IL23R: variants seen among roughly 807,000 people sequenced by gnomAD.
IL23R encodes the protein interleukin-23 receptor.
IL23R carries 34 observed loss-of-function variants against 56.9 expected under a neutral mutation model. That is an observed-to-expected ratio of 0.60 (90% CI 0.45 to 0.80). The LOEUF (loss-of-function observed/expected upper bound fraction) is 0.80. Ranked by LOEUF, IL23R falls within the 30% of genes least tolerant of loss-of-function variation. The probability of loss-of-function intolerance (pLI) is 0.00; values close to 1 mark genes in which losing one functional copy is unlikely to be tolerated. For synonymous variants in IL23R, 230 were observed against 249.2 expected (o/e 0.92, Z 0.73); for missense variants, 635 against 730.0 (o/e 0.87, Z 1.50).
intron 6 of IL23R, among the ~76,000 whole-genome samples, chr1:67,214,678 C>T (rs1649714204): frequency 6.6e-6 from 1 of 152,174 alleles, no homozygotes; most frequent in South Asian, 2.1e-4. Flanking sequence ...TTTTTCTAGT[C>T]TATTACATAC....
intron 7 of IL23R, among the ~76,000 whole-genome samples, chr1:67,220,350 G>C (rs1352619180): frequency 6.6e-6 from 1 of 151,510 alleles, no homozygotes; most frequent in Non-Finnish European, 1.5e-5. Flanking sequence ...GCCTGGCCAA[G>C]AGAGAGAGAC....
At chr1:67,139,323 A>C (rs937071040) in intron 1 of IL23R, among the ~76,000 whole-genome samples, 2 of 152,218 alleles carry the variant, frequency 1.3e-5, no homozygotes, top group Non-Finnish European at 2.9e-5. Context: ...ATGATTTACC[A>C]GTCATTTACT....
In IL23R at chr1:67,258,460, G is replaced by T. The variant is rs1425354189; in HGVS notation, c.1240-18G>T. 9.5e-6 allele frequency: 15 copies of T among 1,581,754 alleles called. No individual in the cohort carries two copies. The highest frequency in any genetic ancestry group is 1.3e-5 in the Non-Finnish European group (15 of 1,159,360). ...TTAAATGTCTTTTGCAAAATAAAAT[G>T]ATGTCTTTTTTTCCTAGGAAAATAG... On this transcript the variant is annotated intron_variant, in intron 10 of 10. Transcript: ENST00000347310.
chr1:67,148,433 G>A (rs909879810), intron 1 of IL23R, among the ~76,000 whole-genome samples: 1 of 152,240 alleles, frequency 6.6e-6, no homozygotes, highest in Non-Finnish European at 1.5e-5. Flanking sequence ...GCGCTCAGGC[G>A]ATAGATGATT....
chr1:67,155,819 G>C (rs1646766171), intron 1 of IL23R, among the ~76,000 whole-genome samples: 1 of 152,214 alleles, frequency 6.6e-6, no homozygotes, highest in Non-Finnish European at 1.5e-5. Context: ...GCTCTGTTCA[G>C]TTCTGCGCCC....
intron 3 of IL23R, among the ~76,000 whole-genome samples, chr1:67,179,225 T>C (rs1016135268): frequency 6.6e-6 from 1 of 152,180 alleles, no homozygotes; most frequent in African/African-American, 2.4e-5. Context: ...TGGTAGAATT[T>C]GTCTGTGAAT....
chr1:67,140,103 A>G (rs1019384245), intron 1 of IL23R, among the ~76,000 whole-genome samples: 2 of 152,180 alleles, frequency 1.3e-5, no homozygotes, highest in Non-Finnish European at 2.9e-5. Context: ...CTCAGTCTCC[A>G]TAACTGTGAG....
chr1:67,263,380 C>T (rs1007675769), downstream of IL23R, among the ~76,000 whole-genome samples: 1 of 151,912 alleles, frequency 6.6e-6, no homozygotes, highest in Non-Finnish European at 1.5e-5. Context: ...AACCACTGCA[C>T]CCAGACTAAA....
intron 1 of IL23R, among the ~76,000 whole-genome samples, chr1:67,154,036 G>A (rs1646751986): frequency 6.6e-6 from 1 of 152,196 alleles, no homozygotes; most frequent in Non-Finnish European, 1.5e-5. Flanking sequence ...CCAAAGTGCT[G>A]GGATTACAGG....
At chr1:67,171,058 T>C (rs1011079449) in intron 3 of IL23R, among the ~76,000 whole-genome samples, 1 of 152,208 alleles carries the variant, frequency 6.6e-6, no homozygotes, top group Non-Finnish European at 1.5e-5. Flanking sequence ...AGACATCTTA[T>C]CTGATGTAAG....
chr1:67,168,675 G>C (rs1047445374), intron 2 of IL23R, among the ~76,000 whole-genome samples: 3 of 152,152 alleles, frequency 2.0e-5, no homozygotes, highest in African/African-American at 7.2e-5. Context: ...TGGTTGAGTA[G>C]CTAGAGAATG....
chr1:67,167,402 A>G (rs1275881505), intron 1 of IL23R, among the ~76,000 whole-genome samples: 1 of 152,242 alleles, frequency 6.6e-6, no homozygotes, highest in Middle Eastern at 3.2e-3. Flanking sequence ...CTCACTGGTG[A>G]GAGCACATAT....
At chr1:67,260,951 TCTC>T (rs967853403), downstream of IL23R, among the ~76,000 whole-genome samples, 5 of 152,312 alleles carry the variant, frequency 3.3e-5, no homozygotes, top group African/African-American at 1.2e-4. Flanking sequence ...AATTTCTTTT[TCTC>T]CTCCAACAGT....
chr1:67,225,080 C>T (rs928549059), intron 7 of IL23R, among the ~76,000 whole-genome samples: 2 of 152,202 alleles, frequency 1.3e-5, no homozygotes, highest in Non-Finnish European at 2.9e-5. Context: ...CTGCTAGTCT[C>T]CTTCCTAAGA....
Position 67,200,815 on chromosome 1 carries a change from G to A in IL23R, c.570G>A (p.Lys190=). 1 of 1,614,086 alleles carries A rather than the reference G, an allele frequency of 6.2e-7. No individual in the cohort carries two copies. Among genetic ancestry groups the A allele is most frequent in the African/African-American group, 1.3e-5 (1 of 75,000 alleles). Residue 190 remains lysine, a synonymous_variant, in exon 5 of 11, where the codon AAG becomes AAA. Transcript: ENST00000347310. ...CCACTGATTCATTACAAGGTGGCAA[G>A]AAGTACTTGGTTTGGGTCCAAGCAG... is the stretch of plus-strand genomic sequence containing the variant. ...NISTDSLQGG[K]KYLVWVQAAN... is the part of the protein sequence containing the mutation.
At position 67,169,342 on chromosome 1, in the gene IL23R, G is replaced by C; in HGVS notation, c.71G>C (p.Gly24Ala). The stretch of plus-strand genomic sequence containing the variant: ...TTATTATTTTTCCATTTATTTCTAG[G>C]AATTACAAATATAAACTGCTCTGGC... ...LYILFSWCHG[G>A]ITNINCSGHI... Residue 24 changes from glycine (G) to alanine (A), a missense_variant and splice_region_variant, in exon 3 of 11, where the codon GGA becomes GCA. Coordinates refer to ENST00000347310, the MANE Select transcript of IL23R (RefSeq NM_144701.3). 1 of 1,600,716 alleles carries C rather than the reference G, an allele frequency of 6.2e-7. No homozygotes were observed. Among genetic ancestry groups the C allele is most frequent in the African/African-American group, 1.3e-5 (1 of 74,532 alleles).
intron 7 of IL23R, among the ~76,000 whole-genome samples, chr1:67,235,757 C>G (rs1319990777): frequency 6.6e-6 from 1 of 152,150 alleles, no homozygotes; most frequent in Non-Finnish European, 1.5e-5. Flanking sequence ...ATGTAGGACA[C>G]TTTTCTCAAA....
intron 4 of IL23R, among the ~76,000 whole-genome samples, chr1:67,189,245 C>T (rs1302941136): frequency 6.6e-6 from 1 of 151,714 alleles, no homozygotes; most frequent in African/African-American, 2.4e-5. Flanking sequence ...TAGAATGGGG[C>T]CTGACACATA....
chr1:67,259,965 G>GAAAAAAAAAAAA (rs372460431), exon 11 of IL23R: 1 of 76,068 alleles, frequency 1.3e-5, no homozygotes, highest in Non-Finnish European at 2.3e-5. Flanking sequence ...ACTCTGTCTG[G>GAAAAAAAAAAAA]AAAAAAAAAA....
Sources: allele counts gnomAD v4.1 joint callset (sites outside exome capture counted in the v4.1 genomes callset), GRCh38; gene constraint gnomAD v4.1.1; transcripts MANE v1.5; gene names NCBI Gene and HGNC (gene_info 2026-07-23, HGNC 2026-07-21).